The following KLRD1 variants were observed in gnomAD, a reference collection of about 807,000 sequenced individuals.
The protein encoded by KLRD1 is natural killer cells antigen CD94.
KLRD1 carries 21 observed loss-of-function variants against 22.6 expected under a neutral mutation model. That is an observed-to-expected ratio of 0.93 (90% CI 0.66 to 1.34). KLRD1 has a LOEUF of 1.34. Among genes scored for constraint, KLRD1 ranks in the 40% most tolerant of loss-of-function variants. KLRD1 has a pLI of 0.00. For synonymous variants in KLRD1, 59 were observed against 71.1 expected (o/e 0.83, Z 0.85); for missense variants, 183 against 208.6 (o/e 0.88, Z 0.76).
chr12:10,239,834 G>T (rs1192253721), intron 1 of KLRD1, among the ~76,000 whole-genome samples: 2 of 151,690 alleles, frequency 1.3e-5, no homozygotes, highest in Non-Finnish European at 2.9e-5. Context: ...TAGAGATGGG[G>T]TTTCACCATG....
chr12:10,313,814 T>C (rs1053789303), intron 5 of KLRD1, among the ~76,000 whole-genome samples: 5 of 152,180 alleles, frequency 3.3e-5, no homozygotes, highest in African/African-American at 1.2e-4. Flanking sequence ...TTAAATTTTT[T>C]AATTAAAAAT....
chr12:10,250,525 C>T (rs890659969), intron 1 of KLRD1, among the ~76,000 whole-genome samples: 1 of 151,584 alleles, frequency 6.6e-6, no homozygotes, highest in Admixed American at 6.6e-5. Context: ...GGCAAAATCT[C>T]CCGCTCACTG....
In KLRD1 at chr12:10,313,277, G is replaced by A. The variant is rs1381564623; in HGVS notation, c.316-133G>A. 1.4e-5 allele frequency: 7 copies of A among 498,732 alleles called. No individual in the cohort carries two copies. In the East Asian group the frequency reaches 1.5e-4, roughly 11 times the overall value. The allele number at this position is 498,732 out of a possible 1,614,324, so 30.9% of individuals were successfully genotyped here. A position where few individuals can be genotyped will look rare whatever the true frequency, so the allele number is the denominator to read the frequency against. ...TCTTGTGATTATACCTTTTAAATAG[G>A]AAGTTAAAAATAATTTCCGTTTGTG... On this transcript the variant is annotated intron_variant, in intron 4 of 5. Coordinates refer to ENST00000336164, the MANE Select transcript of KLRD1 (RefSeq NM_002262.5).
chr12:10,255,354 C>T (rs1565449374), intron 1 of KLRD1, among the ~76,000 whole-genome samples: 2 of 151,844 alleles, frequency 1.3e-5, no homozygotes, highest in Admixed American at 6.6e-5. Context: ...ATGTACATAC[C>T]TTCTAGTATT....
chr12:10,248,758 C>T (rs769776609), intron 1 of KLRD1, among the ~76,000 whole-genome samples: 20 of 151,858 alleles, frequency 1.3e-4, no homozygotes, highest in South Asian at 4.2e-4. Context: ...CCACCACACC[C>T]GGCTACTTTT....
chr12:10,260,689 C>T (rs1363381473), intron 1 of KLRD1, among the ~76,000 whole-genome samples: 2 of 152,056 alleles, frequency 1.3e-5, no homozygotes, highest in African/African-American at 4.8e-5. Flanking sequence ...GCCTGTAATC[C>T]GAGCACTTTG....
At chr12:10,262,641 T>C (rs1015653467) in intron 1 of KLRD1, among the ~76,000 whole-genome samples, 16 of 152,096 alleles carry the variant, frequency 1.1e-4, no homozygotes, top group African/African-American at 3.9e-4. Context: ...TTTTGTGATA[T>C]TATGTTGCAA....
intron 1 of KLRD1, among the ~76,000 whole-genome samples, chr12:10,241,024 T>C (rs1334999727): frequency 6.6e-6 from 1 of 152,186 alleles, no homozygotes; most frequent in African/African-American, 2.4e-5. Flanking sequence ...CAAGTTGGAA[T>C]AATTTTATGA....
At chr12:10,291,719 C>T (rs1364033107) in intron 1 of KLRD1, among the ~76,000 whole-genome samples, 2 of 151,702 alleles carry the variant, frequency 1.3e-5, no homozygotes, top group African/African-American at 4.8e-5. Flanking sequence ...TGGTTTGCTA[C>T]ACCTATCAAC....
chr12:10,256,878 T>TA (rs1445187407), intron 1 of KLRD1, among the ~76,000 whole-genome samples: 3 of 152,032 alleles, frequency 2.0e-5, no homozygotes, highest in African/African-American at 7.2e-5. Flanking sequence ...GCTTTTCTCT[T>TA]AGGGCAGGTT....
upstream of KLRD1, among the ~76,000 whole-genome samples, chr12:10,299,493 T>C (rs1316704411): frequency 6.6e-6 from 1 of 152,228 alleles, no homozygotes; most frequent in Admixed American, 6.5e-5. Context: ...TATACTATAC[T>C]GTAGTCTGTT....
chr12:10,293,829 G>A (rs900546792), intron 1 of KLRD1, among the ~76,000 whole-genome samples: 1 of 152,164 alleles, frequency 6.6e-6, no homozygotes, highest in Non-Finnish European at 1.5e-5. Context: ...TATCACTGGG[G>A]AAACCCAACA....
intron 1 of KLRD1, among the ~76,000 whole-genome samples, chr12:10,239,537 T>TTC (rs1236174601): frequency 3.5e-5 from 3 of 86,298 alleles, no homozygotes; most frequent in Non-Finnish European, 4.3e-5. Context: ...CTTTCTTTCT[T>TTC]TCTTTCTTTC....
At position 10,250,201 on chromosome 12, in the gene KLRD1, CTTTTTTTT is replaced by C. The variant is rs137861212; in HGVS notation, c.-101+23987_-101+23994del. ...TTCCCAAGGTGGTGATAACGTTTTG[CTTTTTTTT>C]TTTTTTTTTTTTTTTTTTAGGGGGG... On this transcript the variant is annotated intron_variant, in intron 1 of 5. Transcript: ENST00000544747. Among the ~76,000 whole-genome samples the C allele has an allele frequency of 2.5e-4, 24 of 94,548 alleles. 1 individual carries two copies. Among genetic ancestry groups the C allele is most frequent in the South Asian group, 3.9e-4 (1 of 2,574 alleles). 62.0% of individuals were successfully genotyped at this position (94,548 alleles called of 152,430 possible).
intron 1 of KLRD1, among the ~76,000 whole-genome samples, chr12:10,280,429 C>G (rs1949629322): frequency 6.6e-6 from 1 of 152,084 alleles, no homozygotes; most frequent in Non-Finnish European, 1.5e-5. Flanking sequence ...AATACTTAAT[C>G]AGAACTTTGT....
At position 10,239,475 on chromosome 12, in the gene KLRD1, T is replaced by TTA. The variant is rs1283540737; in HGVS notation, c.-101+13243_-101+13244insAT. Among the ~76,000 whole-genome samples, 14 of 139,918 alleles carry TTA rather than the reference T, an allele frequency of 1.0e-4. 1 individual carries two copies. Among genetic ancestry groups the TTA allele is most frequent in the South Asian group, 2.4e-4 (1 of 4,194 alleles). 91.8% of individuals were successfully genotyped at this position (139,918 alleles called of 152,430 possible). On this transcript the variant is annotated intron_variant, in intron 1 of 5. Coordinates refer to the KLRD1 transcript ENST00000544747. ...CTTCCTTCCTTCCTTCCTTCCTTCC[T>TTA]TCCTTCCTTCTTCCTTCCTTCCTTC... is the stretch of plus-strand genomic sequence containing the variant.
chr12:10,312,031 G>C (rs1009817587), intron 4 of KLRD1, among the ~76,000 whole-genome samples: 12 of 149,374 alleles, frequency 8.0e-5, no homozygotes, highest in African/African-American at 2.9e-4. Context: ...GTAAGAAAAC[G>C]TACCCAATTC....
chr12:10,309,709 A>C lies in KLRD1; in HGVS notation c.163+21A>C, dbSNP rs200889791. 8 of 1,561,694 alleles carry C rather than the reference A, an allele frequency of 5.1e-6. No homozygotes were observed. The East Asian group carries it at 1.6e-4, about 31-fold the overall frequency. On this transcript the variant is annotated intron_variant, in intron 3 of 5. Transcript: ENST00000336164. The stretch of plus-strand genomic sequence containing the variant: ...GAAAGGTAGGTCACATTTTTTGGAA[A>C]ACTTAGCATTGGTAAAAGATTAAAT...
At chr12:10,240,759 T>G (rs1949233858) in intron 1 of KLRD1, among the ~76,000 whole-genome samples, 1 of 152,202 alleles carries the variant, frequency 6.6e-6, no homozygotes, top group Admixed American at 6.5e-5. Context: ...ATTTCCCTGA[T>G]TTTTAAGTAC....
Sources: gnomAD v4.1 joint callset for allele counts (sites outside exome capture counted in the v4.1 genomes callset) on GRCh38, gnomAD v4.1.1 for gene constraint, MANE v1.5 for transcripts, NCBI Gene and HGNC (gene_info 2026-07-23, HGNC 2026-07-21) for gene names.